Variants in ANKH observed in about 807,000 individuals in gnomAD.
ANKH encodes the protein ANKH inorganic pyrophosphate transport regulator.
ANKH carries 15 observed loss-of-function variants against 49.0 expected under a neutral mutation model. The ratio of observed to expected loss-of-function variants is 0.31; its 90% CI spans 0.20 to 0.47. The LOEUF is 0.47. Among genes scored for constraint, ANKH ranks in the 20% least tolerant of loss-of-function variants. The pLI is 1.00. For missense variants in ANKH, 429 were observed against 652.0 expected (o/e 0.66, Z 3.72); for synonymous variants, 273 against 260.0 (o/e 1.05, Z -0.48).
intron 1 of ANKH, among the ~76,000 whole-genome samples, chr5:14,780,371 C>T (rs929642610): frequency 1.3e-5 from 2 of 152,190 alleles, no homozygotes. Flanking sequence ...GGCAAAACCT[C>T]ATCTCTACTA....
In ANKH at chr5:14,721,723, G is replaced by A. The variant is rs553836982; in HGVS notation, c.1012-4888C>T. On this transcript the variant is annotated intron_variant, in intron 8 of 11. Coordinates refer to ENST00000284268, the MANE Select transcript of ANKH (RefSeq NM_054027.6). The stretch of plus-strand genomic sequence containing the variant: ...AGGTGGGAGGATCACAAGGTCAGGA[G>A]ATCGAGACCATCCTGGCTAACACGG... Among the ~76,000 whole-genome samples, 7 of 152,218 alleles carry A rather than the reference G, an allele frequency of 4.6e-5. No homozygotes were observed. The South Asian group carries it at 1.2e-3, about 27-fold the overall frequency.
At chr5:14,721,053 T>C (rs2126425372) in intron 8 of ANKH, among the ~76,000 whole-genome samples, 1 of 152,314 alleles carries the variant, frequency 6.6e-6, no homozygotes, top group Non-Finnish European at 1.5e-5. Flanking sequence ...GGGGGTCAGC[T>C]TGAGGACATG....
intron 1 of ANKH, among the ~76,000 whole-genome samples, chr5:14,806,044 G>T (rs1431254068): frequency 2.0e-5 from 3 of 152,154 alleles, no homozygotes; most frequent in African/African-American, 7.2e-5. Context: ...TGTAAAACTT[G>T]TGCACATAAG....
chr5:14,734,645 A>T (rs1738113255), intron 8 of ANKH, among the ~76,000 whole-genome samples: 2 of 152,130 alleles, frequency 1.3e-5, no homozygotes. Flanking sequence ...CCCAGGCTTT[A>T]CTTCCTTAAG....
intron 1 of ANKH, among the ~76,000 whole-genome samples, chr5:14,833,218 G>C (rs1741553191): frequency 6.6e-6 from 1 of 152,132 alleles, no homozygotes; most frequent in Non-Finnish European, 1.5e-5. Context: ...TTAAGTTATA[G>C]CATTGCCATA....
rs1229929542 is a variant in ANKH, at chr5:14,755,936, G to A, written c.441C>T (p.Thr147=). 1 of 1,613,894 alleles carries A rather than the reference G, an allele frequency of 6.2e-7. No individual in the cohort carries two copies. Among genetic ancestry groups the A allele is most frequent in the South Asian group, 1.1e-5 (1 of 91,076 alleles). ...TGTGTTTTAAGAGAATGCCAGCATGGGTCCATGCCTGCCAGAAAGAAAAGA... is the reference window on the plus strand; with the variant it reads ...TGTGTTTTAAGAGAATGCCAGCATGAGTCCATGCCTGCCAGAAAGAAAAGA... The part of the protein sequence containing the change: ...AFPFMDAMAW[T]HAGILLKHKY... The change falls in exon 4 of 12, where the codon ACC becomes ACT. Residue 147 remains threonine (T), a synonymous_variant. Coordinates refer to ENST00000284268, the MANE Select transcript of ANKH (RefSeq NM_054027.6).
In ANKH at chr5:14,819,126, T is replaced by G. The variant is rs530903736; in HGVS notation, c.97-49935A>C. 1.7e-3 allele frequency among the ~76,000 whole-genome samples: 266 copies of G among 152,272 alleles called. 1 individual carries two copies. Among genetic ancestry groups the G allele is most frequent in the African/African-American group, 5.6e-3 (231 of 41,546 alleles). ...TCGTCTGGCATGAATGGCACTGTGG[T>G]CCACTGTCCAGAAAGAGCTGATGTC... On this transcript the variant is annotated intron_variant, in intron 1 of 11. Coordinates refer to ENST00000284268, the MANE Select transcript of ANKH (RefSeq NM_054027.6).
At chr5:14,824,250 A>T (rs1421974481) in intron 1 of ANKH, among the ~76,000 whole-genome samples, 2 of 152,194 alleles carry the variant, frequency 1.3e-5, no homozygotes, top group African/African-American at 4.8e-5. Context: ...AAAAAAAATT[A>T]GTCAAGTTAA....
intron 1 of ANKH, among the ~76,000 whole-genome samples, chr5:14,796,959 T>C (rs1198456824): frequency 1.3e-5 from 2 of 152,146 alleles, no homozygotes; most frequent in South Asian, 2.1e-4. Context: ...AAGCCCCCCA[T>C]TAATATTTAG....
At chr5:14,773,353 C>CTTTTTTTTTTTTTTTTTT (rs71603741) in intron 1 of ANKH, among the ~76,000 whole-genome samples, 1 of 77,016 alleles carries the variant, frequency 1.3e-5, no homozygotes, top group Non-Finnish European at 2.3e-5. Context: ...GCAAAGCATT[C>CTTTTTTTTTTTTTTTTTT]TTTTTTTTTT....
At position 14,760,044 on chromosome 5, in the gene ANKH, G is replaced by A. The variant is rs879826532; in HGVS notation, c.314-1446C>T. On this transcript the variant is annotated intron_variant, in intron 2 of 11. Transcript: ENST00000284268. ...GGAATGACTACGATCTTCAGAGAGT[G>A]AGGTGGGGCAGGTCGGGGAGAGTGC... 7.9e-5 allele frequency among the ~76,000 whole-genome samples: 12 copies of A among 152,278 alleles called. No homozygotes were observed. In the East Asian group the frequency reaches 2.1e-3, roughly 27 times the overall value.
At position 14,776,119 on chromosome 5, in the gene ANKH, C is replaced by A. The variant is rs530627253; in HGVS notation, c.97-6928G>T. Among the ~76,000 whole-genome samples the A allele has an allele frequency of 1.7e-3, 253 of 152,294 alleles. 1 individual carries two copies. Among genetic ancestry groups the A allele is most frequent in the African/African-American group, 5.6e-3 (232 of 41,548 alleles). The stretch of plus-strand genomic sequence containing the variant: ...GCAGAGTGTGGGCAGGGGGCCGCCC[C>A]CCGCATCCTCCTGGGCATGAGAAAG... On this transcript the variant is annotated intron_variant, in intron 1 of 11. Coordinates refer to ENST00000284268, the MANE Select transcript of ANKH (RefSeq NM_054027.6).
intron 1 of ANKH, among the ~76,000 whole-genome samples, chr5:14,803,082 G>A (rs1393440994): frequency 6.6e-6 from 1 of 152,128 alleles, no homozygotes; most frequent in Non-Finnish European, 1.5e-5. Context: ...AGTTTGATAG[G>A]TCACATCCAG....
intron 1 of ANKH, among the ~76,000 whole-genome samples, chr5:14,830,699 T>G (rs541377479): frequency 6.6e-6 from 1 of 152,308 alleles, no homozygotes; most frequent in East Asian, 1.9e-4. Context: ...CTCTATTTTG[T>G]ATGTCTATTT....
intron 1 of ANKH, among the ~76,000 whole-genome samples, chr5:14,827,330 A>G (rs1258272382): frequency 6.6e-6 from 1 of 152,186 alleles, no homozygotes. Context: ...AAACATTTTA[A>G]GTGATCTGCC....
intron 1 of ANKH, among the ~76,000 whole-genome samples, chr5:14,771,926 A>AG (rs1440675273): frequency 1.5e-5 from 2 of 132,848 alleles, no homozygotes; most frequent in East Asian, 2.4e-4. Context: ...AAAAAGAAAA[A>AG]AAAAAAAAAA....
Position 14,817,034 on chromosome 5 carries a change from T to C in ANKH, c.97-47843A>G, listed in dbSNP as rs1274347520. ...ATCCCATACCATGGTGTTTTCTAAG[T>C]TCAAATATTTCACTGAATAAAGTGC... On this transcript the variant is annotated intron_variant, in intron 1 of 11. Coordinates refer to ENST00000284268, the MANE Select transcript of ANKH (RefSeq NM_054027.6). Among the ~76,000 whole-genome samples the C allele has an allele frequency of 2.0e-5, 3 of 152,326 alleles. No homozygotes were observed. The South Asian group carries it at 6.2e-4, about 32-fold the overall frequency.
chr5:14,843,173 CTCTT>C (rs1275644591), intron 1 of ANKH, among the ~76,000 whole-genome samples: 2 of 140,576 alleles, frequency 1.4e-5, no homozygotes, highest in Non-Finnish European at 3.1e-5. Context: ...CACCAGGGTT[CTCTT>C]TTTTTTTTTT....
intron 4 of ANKH, among the ~76,000 whole-genome samples, chr5:14,755,302 A>G (rs1343364287): frequency 6.6e-6 from 1 of 152,226 alleles, no homozygotes; most frequent in East Asian, 1.9e-4. Flanking sequence ...GACCCAACAG[A>G]AAGTGGGATG....
Sources: gnomAD v4.1 joint callset for allele counts (sites outside exome capture counted in the v4.1 genomes callset) on GRCh38, gnomAD v4.1.1 for gene constraint, MANE v1.5 for transcripts, NCBI Gene and HGNC (gene_info 2026-07-23, HGNC 2026-07-21) for gene names.